Variants in ADCY9 observed in about 807,000 individuals in gnomAD.
ADCY9 encodes adenylate cyclase 9.
Under a neutral mutation model 101.5 loss-of-function variants are expected in ADCY9, and 50 were observed. The observed-to-expected ratio is 0.49, with a 90% CI of 0.39 to 0.62. The LOEUF (loss-of-function observed/expected upper bound fraction) is 0.62, where lower values mean the gene tolerates loss of function less well. ADCY9 is among the 20% of genes least tolerant of loss of function. The pLI, the probability that ADCY9 is intolerant of heterozygous loss-of-function variation, is 0.00. For synonymous variants in ADCY9, 905 were observed against 769.3 expected (o/e 1.18, Z -2.92); for missense variants, 1,662 against 1,800.4 (o/e 0.92, Z 1.39).
chr16:4,005,734 G>A (rs775683368), intron 3 of ADCY9, among the ~76,000 whole-genome samples: 11 of 152,160 alleles, frequency 7.2e-5, no homozygotes, highest in East Asian at 3.8e-4. Context: ...TGAACTCTGC[G>A]ACCGCATCCC....
intron 10 of ADCY9, among the ~76,000 whole-genome samples, chr16:3,973,513 T>G (rs1014250408): frequency 4.6e-5 from 7 of 151,954 alleles, no homozygotes; most frequent in African/African-American, 1.7e-4. Context: ...GGCCTTTTTT[T>G]TCTGAGACAG....
intron 2 of ADCY9, among the ~76,000 whole-genome samples, chr16:4,011,714 G>A (rs1189829366): frequency 1.3e-5 from 2 of 152,124 alleles, no homozygotes; most frequent in Non-Finnish European, 2.9e-5. Flanking sequence ...CAGAGCTAGT[G>A]AGCTGCTTCA....
At chr16:4,038,405 G>T (rs1038364442) in intron 2 of ADCY9, among the ~76,000 whole-genome samples, 1 of 152,120 alleles carries the variant, frequency 6.6e-6, no homozygotes, top group African/African-American at 2.4e-5. Context: ...CGCATGAAAG[G>T]CCTGAGGGAA....
chr16:3,973,326 G>A (rs966888160), intron 10 of ADCY9, among the ~76,000 whole-genome samples: 1 of 152,074 alleles, frequency 6.6e-6, no homozygotes, highest in African/African-American at 2.4e-5. Context: ...TCCTGCCTCA[G>A]CCTCCCAAGT....
chr16:4,093,560 T>G (rs79074366), intron 2 of ADCY9, among the ~76,000 whole-genome samples: 2 of 152,210 alleles, frequency 1.3e-5, no homozygotes, highest in African/African-American at 4.8e-5. Context: ...ACTTTTTTTT[T>G]GTCTCTACAT....
At chr16:3,953,890 C>T (rs1439323893) in intron 5 of ADCY9, among the ~76,000 whole-genome samples, 6 of 152,180 alleles carry the variant, frequency 3.9e-5, no homozygotes, top group African/African-American at 9.7e-5. Flanking sequence ...CTGTCAGAGC[C>T]GCGTCACAGC....
At chr16:4,070,574 C>T (rs2056827875) in intron 2 of ADCY9, among the ~76,000 whole-genome samples, 2 of 151,866 alleles carry the variant, frequency 1.3e-5, no homozygotes, top group South Asian at 2.1e-4. Flanking sequence ...CCAGTGCTTT[C>T]GAAGACCAAG....
chr16:4,045,961 C>G (rs1462584087), intron 2 of ADCY9, among the ~76,000 whole-genome samples: 1 of 145,832 alleles, frequency 6.9e-6, no homozygotes, highest in Non-Finnish European at 1.5e-5. Context: ...CCTCCCATTT[C>G]AGCCTCCCCA....
intron 2 of ADCY9, among the ~76,000 whole-genome samples, chr16:4,035,612 T>G (rs2056583886): frequency 6.6e-6 from 1 of 152,164 alleles, no homozygotes; most frequent in Non-Finnish European, 1.5e-5. Context: ...AGCTGCTTCT[T>G]GGTTTCAGGG....
chr16:3,967,849 C>T (rs2056013398), intron 10 of ADCY9, among the ~76,000 whole-genome samples: 1 of 151,938 alleles, frequency 6.6e-6, no homozygotes, highest in African/African-American at 2.4e-5. Context: ...AGGTGTGTGC[C>T]ACCATGCCTG....
chr16:4,080,866 A>C (rs1271104767), intron 2 of ADCY9, among the ~76,000 whole-genome samples: 1 of 152,074 alleles, frequency 6.6e-6, no homozygotes, highest in Admixed American at 6.6e-5. Context: ...GCTCAGGATA[A>C]AAAGAAAATC....
intron 2 of ADCY9, among the ~76,000 whole-genome samples, chr16:4,085,266 G>A (rs1007570953): frequency 6.6e-6 from 1 of 152,108 alleles, no homozygotes; most frequent in African/African-American, 2.4e-5. Flanking sequence ...GGAAGCTGAG[G>A]TGGAAGAATC....
chr16:4,076,249 G>T (rs2056866723), intron 2 of ADCY9, among the ~76,000 whole-genome samples: 1 of 152,210 alleles, frequency 6.6e-6, no homozygotes, highest in Admixed American at 6.5e-5. Context: ...AATTTCTCAG[G>T]TTTATGCCTA....
At chr16:4,033,409 C>G (rs1219687794) in intron 2 of ADCY9, among the ~76,000 whole-genome samples, 1 of 151,356 alleles carries the variant, frequency 6.6e-6, no homozygotes, top group Non-Finnish European at 1.5e-5. Flanking sequence ...CAGAGGAACC[C>G]TCAGCAGTCT....
intron 2 of ADCY9, among the ~76,000 whole-genome samples, chr16:4,045,324 C>T (rs922313529): frequency 2.0e-5 from 3 of 151,930 alleles, no homozygotes; most frequent in Non-Finnish European, 2.9e-5. Context: ...CGGCTGGGCA[C>T]GGTGGTTCAC....
At chr16:4,040,096 C>T (rs1243315549) in intron 2 of ADCY9, among the ~76,000 whole-genome samples, 2 of 152,080 alleles carry the variant, frequency 1.3e-5, no homozygotes, top group African/African-American at 4.8e-5. Context: ...GCTTAACACG[C>T]CTTTTCATAT....
chr16:3,992,310 T>G lies in ADCY9; in HGVS notation c.2043A>C (p.Gln681His). 6.2e-7 allele frequency: 1 copy of G among 1,614,112 alleles called. No individual in the cohort carries two copies. Among genetic ancestry groups the G allele is most frequent in the Non-Finnish European group, 8.5e-7 (1 of 1,180,024 alleles). Residue 681 changes from glutamine to histidine, a missense_variant, in exon 5 of 11, where the codon CAA (glutamine) becomes CAC (histidine). Gln to His is a conservative substitution (Grantham distance 24, BLOSUM62 0). This residue lies in a region of ADCY9 where 624 missense variants were observed against 639.1 expected (regional missense o/e 0.98). Coordinates refer to ENST00000294016, the MANE Select transcript of ADCY9 (RefSeq NM_001116.4). The surrounding 1 kb of genome is among the most constrained non-coding windows in gnomAD (Gnocchi z 4.2). ...TCTGACTGTTGGTGAGCTTCTCCTC[T>G]TGGGGAGGGCTGAGGAGCCCGTTCT... ...KTQNGLLSPP[Q>H]EEKLTNSQTS... is the part of the protein sequence containing the mutation.
At chr16:4,101,927 C>A (rs1177979453) in intron 2 of ADCY9, among the ~76,000 whole-genome samples, 2 of 152,146 alleles carry the variant, frequency 1.3e-5, no homozygotes, top group Non-Finnish European at 2.9e-5. Context: ...AAGAGGCTGC[C>A]AAGTTCGGCA....
At chr16:4,091,263 G>A (rs1018706406) in intron 2 of ADCY9, among the ~76,000 whole-genome samples, 1 of 152,050 alleles carries the variant, frequency 6.6e-6, no homozygotes. Flanking sequence ...TAGTAGACAC[G>A]GGGTTTCACC....
Sources: allele counts gnomAD v4.1 joint callset (sites outside exome capture counted in the v4.1 genomes callset), GRCh38; gene constraint gnomAD v4.1.1; regional missense constraint gnomAD v4.1.1; non-coding constraint Gnocchi (gnomAD v3.1); transcripts MANE v1.5; gene names NCBI Gene and HGNC (gene_info 2026-07-23, HGNC 2026-07-21).